CREB5: variants seen among roughly 807,000 people sequenced by gnomAD.
CREB5 encodes the protein cyclic AMP-responsive element-binding protein 5.
In CREB5, 19 loss-of-function variants were observed where a neutral mutation model predicts 57.1. The observed-to-expected ratio is 0.33, with a 90% confidence interval of 0.23 to 0.49. The LOEUF is 0.49. Ranked by LOEUF, CREB5 falls within the 20% of genes least tolerant of loss-of-function variation. The pLI is 0.99. For synonymous variants in CREB5, 238 were observed against 238.3 expected (o/e 1.00, Z 0.01); for missense variants, 579 against 671.6 (o/e 0.86, Z 1.52).
At chr7:28,424,556 T>C in intron 1 of CREB5, among the ~76,000 whole-genome samples, 1 of 152,230 alleles carries the variant, frequency 6.6e-6, no homozygotes, top group Non-Finnish European at 1.5e-5. Flanking sequence ...GATACATACA[T>C]GTTGCACTGA....
In CREB5 at chr7:28,538,798, TATC is replaced by T. The variant is rs556320748; in HGVS notation, c.291+31064_291+31066del. Among the ~76,000 whole-genome samples, 19 of 152,362 alleles carry T rather than the reference TATC, an allele frequency of 1.2e-4. No individual in the cohort carries two copies. The South Asian group carries it at 3.7e-3, about 30-fold the overall frequency. On this transcript the variant is annotated intron_variant, in intron 4 of 10. Transcript: ENST00000357727. ...CAAATTTGATATATTATGTTTTTAT[TATC>T]ATTCAGTTAAAATAGTGTCTGTTTT...
chr7:28,553,467 A>G (rs1794749162), intron 4 of CREB5, among the ~76,000 whole-genome samples: 1 of 152,234 alleles, frequency 6.6e-6, no homozygotes, highest in Non-Finnish European at 1.5e-5. Flanking sequence ...CACCCCTGAC[A>G]TGCTGCCAGG....
intron 7 of CREB5, among the ~76,000 whole-genome samples, chr7:28,778,731 T>C (rs997314767): frequency 2.6e-5 from 4 of 152,160 alleles, no homozygotes; most frequent in Non-Finnish European, 5.9e-5. Flanking sequence ...AATTAATTAA[T>C]AGGATCCAGA....
chr7:28,736,825 T>TCTC (rs375102855), intron 7 of CREB5, among the ~76,000 whole-genome samples: 940 of 12,154 alleles, frequency 0.077, 11 homozygotes, highest in African/African-American at 0.15. Flanking sequence ...TCTCTCTCTC[T>TCTC]TTTTTTTTTT....
At chr7:28,389,213 A>G (rs547922134) in intron 1 of CREB5, among the ~76,000 whole-genome samples, 5 of 152,346 alleles carry the variant, frequency 3.3e-5, no homozygotes, top group African/African-American at 9.6e-5. Flanking sequence ...AACAGTGAAC[A>G]CTATTTGCAT....
chr7:28,610,881 G>A (rs1404598290), intron 5 of CREB5, among the ~76,000 whole-genome samples: 1 of 151,372 alleles, frequency 6.6e-6, no homozygotes, highest in Non-Finnish European at 1.5e-5. Flanking sequence ...TGGTTTGCGT[G>A]TGTGTGCGTG....
At chr7:28,336,781 T>C (rs73082468) in intron 1 of CREB5, among the ~76,000 whole-genome samples, 4,539 of 152,086 alleles carry the variant, frequency 0.03, 99 homozygotes, top group Non-Finnish European at 0.044. Flanking sequence ...ACATGAATTG[T>C]TAGATCGTTT....
chr7:28,303,122 A>G (rs755212641), intron 1 of CREB5, among the ~76,000 whole-genome samples: 1 of 147,662 alleles, frequency 6.8e-6, no homozygotes, highest in Non-Finnish European at 1.5e-5. Context: ...AGCCTGGGCA[A>G]CAAGAGCAAA....
intron 4 of CREB5, among the ~76,000 whole-genome samples, chr7:28,560,866 C>CTGCGTGCGCGTGCG (rs1795119548): frequency 2.0e-5 from 1 of 50,264 alleles, no homozygotes; most frequent in African/African-American, 7.0e-5. Flanking sequence ...GTGCGTGTGC[C>CTGCGTGCGCGTGCG]TGCGTGCGCG....
intron 2 of CREB5, 76 bp downstream of exon 2, chr7:28,488,322 C>A: frequency 1.5e-6 from 2 of 1,341,198 alleles, no homozygotes. Context: ...ACCCGGCAAT[C>A]ATGCCTGCCC....
At chr7:28,456,761 A>G (rs1390150559) in intron 1 of CREB5, among the ~76,000 whole-genome samples, 2 of 152,234 alleles carry the variant, frequency 1.3e-5, no homozygotes, top group Admixed American at 1.3e-4. Context: ...GCCATTTTGC[A>G]TATAGACAGA....
At chr7:28,643,195 G>T (rs970117122) in intron 5 of CREB5, among the ~76,000 whole-genome samples, 1 of 152,134 alleles carries the variant, frequency 6.6e-6, no homozygotes, top group African/African-American at 2.4e-5. Flanking sequence ...GTAACAATGT[G>T]AGTATATCTA....
At chr7:28,408,115 C>T (rs897831757), upstream of CREB5, among the ~76,000 whole-genome samples, 1 of 152,148 alleles carries the variant, frequency 6.6e-6, no homozygotes, top group Admixed American at 6.5e-5. Flanking sequence ...GGCTTGAAAA[C>T]AGGGATTGAG....
rs1221849487 is a variant in CREB5 at position 28,820,106 on chromosome 7, CAGG to C, written c.*830_*832del. The C allele has an allele frequency of 1.3e-5, 2 of 151,948 alleles. No individual in the cohort carries two copies. The highest frequency in any genetic ancestry group is 2.9e-5 in the Non-Finnish European group (2 of 68,012). 9.4% of individuals were successfully genotyped at this position (151,948 alleles called of 1,614,324 possible). Reference sequence around the variant, plus strand: ...CTCTTGCTTTTCACAAAATAGTAACCAGGAGATGTTTAATGTGCCTGATTTAAT... The same window carrying C: ...CTCTTGCTTTTCACAAAATAGTAACCAGATGTTTAATGTGCCTGATTTAAT... On this transcript the variant is annotated 3_prime_UTR_variant, in exon 11 of 11. Coordinates refer to ENST00000357727, the MANE Select transcript of CREB5 (RefSeq NM_182898.4).
rs552332206 is a variant in CREB5 at position 28,383,879 on chromosome 7, G to C, written c.-25+84438G>C. ...TTAGTTGACGTTCTATTTCTTTGAAGTGTCAAGTACACCTACAAATCACTT... is the reference window on the plus strand; with the variant it reads ...TTAGTTGACGTTCTATTTCTTTGAACTGTCAAGTACACCTACAAATCACTT... On this transcript the variant is annotated intron_variant, in intron 1 of 9. Transcript: ENST00000396299. Among the ~76,000 whole-genome samples the C allele has an allele frequency of 4.3e-4, 65 of 152,306 alleles. No individual in the cohort carries two copies. The Middle Eastern group carries it at 0.02, about 48-fold the overall frequency.
chr7:28,741,173 G>A (rs959486894), intron 7 of CREB5, among the ~76,000 whole-genome samples: 5 of 152,214 alleles, frequency 3.3e-5, no homozygotes, highest in Middle Eastern at 3.4e-3. Context: ...GCCTCCGTGC[G>A]CACTCATGGG....
intron 1 of CREB5, among the ~76,000 whole-genome samples, chr7:28,482,931 G>A (rs1244862771): frequency 6.6e-6 from 1 of 152,130 alleles, no homozygotes; most frequent in Non-Finnish European, 1.5e-5. Flanking sequence ...CCATATCACT[G>A]TATGAGTCCA....
intron 7 of CREB5, among the ~76,000 whole-genome samples, chr7:28,759,123 C>G (rs767075651): frequency 1.6e-4 from 25 of 152,074 alleles, no homozygotes; most frequent in Non-Finnish European, 3.4e-4. Flanking sequence ...GGTACAGGCA[C>G]GCAGACACAT....
intron 5 of CREB5, among the ~76,000 whole-genome samples, chr7:28,616,630 G>C (rs976762027): frequency 3.9e-5 from 6 of 152,036 alleles, no homozygotes; most frequent in African/African-American, 7.2e-5. Context: ...TAATTTCTCA[G>C]AGTTAGTGGA....
Sources: allele counts gnomAD v4.1 joint callset (sites outside exome capture counted in the v4.1 genomes callset), GRCh38; gene constraint gnomAD v4.1.1; transcripts MANE v1.5; gene names NCBI Gene and HGNC (gene_info 2026-07-23, HGNC 2026-07-21).